The following GREP1 variants were observed in gnomAD, a reference collection of about 807,000 sequenced individuals.
GREP1 encodes glycine-rich extracellular protein 1.
rs909005129 is a variant in GREP1, at chr16:2,992,718, G to C, written c.323-87G>C. 1 of 398,034 alleles carries C rather than the reference G, an allele frequency of 2.5e-6. No homozygotes were observed. Among genetic ancestry groups the C allele is most frequent in the African/African-American group, 2.1e-5 (1 of 48,590 alleles). 24.7% of individuals were successfully genotyped at this position (398,034 alleles called of 1,614,324 possible). A position where few individuals can be genotyped will look rare whatever the true frequency, so the allele number is the denominator to read the frequency against. On this transcript the variant is annotated intron_variant, in intron 8 of 34. Transcript: ENST00000573315. The surrounding 1 kb of genome is among the most constrained non-coding windows in gnomAD (Gnocchi z 4.9). Reference sequence around the variant, plus strand: ...GAAAGGCAGAGGGCAGGGGTCACGCGAGACAGAAAGGGAGAGGGCAGGGCT... The same window carrying C: ...GAAAGGCAGAGGGCAGGGGTCACGCCAGACAGAAAGGGAGAGGGCAGGGCT...
At chr16:2,994,761 A>G in intron 11 of GREP1, 34 bp downstream of exon 12, 2 of 399,116 alleles carry the variant, frequency 5.0e-6, no homozygotes, top group Non-Finnish European at 8.8e-6. Context: ...GGAGGCCCAG[A>G]GCTGGGGCCC....
intron 5 of GREP1, 85 bp downstream of exon 5, chr16:2,990,207 G>A (rs2072391435): frequency 2.3e-5 from 9 of 398,386 alleles, no homozygotes; most frequent in South Asian, 2.7e-4. Flanking sequence ...GGGGGGAGGC[G>A]CAGAGAGCCT....
At chr16:2,995,456 G>A in intron 15 of GREP1, 140 bp downstream of exon 15, 1 of 399,038 alleles carries the variant, frequency 2.5e-6, no homozygotes, top group Non-Finnish European at 4.4e-6. Flanking sequence ...GATGGGGTCT[G>A]GGGTTCTACC....
chr16:2,990,366 G>A, intron 5 of GREP1, 186 bp from the exon 6 acceptor site: 1 of 398,906 alleles, frequency 2.5e-6, no homozygotes, highest in East Asian at 3.6e-5. Flanking sequence ...GGTAGAGATG[G>A]GAGTGGGGGA....
chr16:2,995,410 A>G (rs2072419404), exon 15 of GREP1: 1 of 398,516 alleles, frequency 2.5e-6, no homozygotes, highest in Non-Finnish European at 4.4e-6. Context: ...AGGATTAGGG[A>G]ATGGGAATGG....
intron 21 of GREP1, 63 bp downstream of exon 20, chr16:2,997,148 A>AC: frequency 2.5e-6 from 1 of 398,380 alleles, no homozygotes; most frequent in East Asian, 3.6e-5. Context: ...CCTCATTCAT[A>AC]CCCCACCTCA....
rs756464468 is a variant in GREP1 at position 2,997,838 on chromosome 16, A to G, written c.949+3A>G. 9 of 398,402 alleles carry G rather than the reference A, an allele frequency of 2.3e-5. No individual in the cohort carries two copies. The highest frequency in any genetic ancestry group is 4.0e-5 in the Non-Finnish European group (9 of 226,108). The allele number at this position is 398,402 out of a possible 1,614,324, so 24.7% of individuals were successfully genotyped here. ...GGGCATGAAACCTCAGAAGCCAGGT[A>G]AGCCCTTCCCACTCCTCACTCTCCC... On this transcript the variant is annotated splice_donor_region_variant and intron_variant, in intron 23 of 34. Transcript: ENST00000573315.
At chr16:2,997,206 G>A (rs1214273218) in intron 21 of GREP1, 121 bp downstream of exon 20, 5 of 398,906 alleles carry the variant, frequency 1.3e-5, no homozygotes, top group East Asian at 7.1e-5. Flanking sequence ...CAGTGAGGGG[G>A]TGTCGGGCTG....
At chr16:2,999,344 A>C in intron 27 of GREP1, 2 of 398,644 alleles carry the variant, frequency 5.0e-6, no homozygotes, top group Non-Finnish European at 8.8e-6. Context: ...CAGAGGGACA[A>C]ACTCTCAGCT....
In GREP1 at chr16:2,992,923, C is replaced by A; in HGVS notation, c.353-8C>A. 1 of 399,034 alleles carries A rather than the reference C, an allele frequency of 2.5e-6. No individual in the cohort carries two copies. Among genetic ancestry groups the A allele is most frequent in the Non-Finnish European group, 4.4e-6 (1 of 226,066 alleles). 24.7% of individuals were successfully genotyped at this position (399,034 alleles called of 1,614,324 possible). A position where few individuals can be genotyped will look rare whatever the true frequency, so the allele number is the denominator to read the frequency against. ...AAAGGATCCCTCACCCTCTCATCTT[C>A]CCCCCAGGCTTTGGAGGGGGTGGAA... On this transcript the variant is annotated splice_region_variant and splice_polypyrimidine_tract_variant and intron_variant, in intron 9 of 34. Coordinates refer to ENST00000573315, the Ensembl canonical transcript of GREP1. The surrounding 1 kb of genome is among the most constrained non-coding windows in gnomAD (Gnocchi z 4.9).
chr16:2,995,899 G>T, exon 18 of GREP1: 1 of 397,800 alleles, frequency 2.5e-6, no homozygotes, highest in South Asian at 1.3e-4. Context: ...CCTGGGGCTG[G>T]AACCCAGCCA....
At chr16:3,000,053 C>T (rs539144154) in intron 28 of GREP1, 33 bp from the exon 26 acceptor site, 3 of 398,942 alleles carry the variant, frequency 7.5e-6, no homozygotes, top group Middle Eastern at 6.2e-4. Context: ...CTCGCTGACC[C>T]CCATCTCTGA....
intron 23 of GREP1, among the ~76,000 whole-genome samples, chr16:2,998,144 C>T (rs779011214): frequency 3.3e-5 from 5 of 152,054 alleles, no homozygotes; most frequent in Non-Finnish European, 5.9e-5. Context: ...AGCCGAGTTG[C>T]TCTCTGCCCC....
intron 10 of GREP1, 31 bp from the exon 12 acceptor site, chr16:2,994,667 G>A (rs537298631): frequency 7.5e-5 from 30 of 399,056 alleles, no homozygotes; most frequent in Middle Eastern, 6.3e-4. Flanking sequence ...CCAGGGCTCC[G>A]GAGGGCCTTA....
At chr16:2,990,221 A>C in intron 5 of GREP1, 99 bp downstream of exon 5, 1 of 398,026 alleles carries the variant, frequency 2.5e-6, no homozygotes, top group Middle Eastern at 6.3e-4. Context: ...AGAGCCTCTC[A>C]GGTTTGCTGG....
In GREP1 at chr16:2,990,535, C is replaced by T. The variant is rs2072393309; in HGVS notation, c.233-17C>T. The T allele has an allele frequency of 2.5e-6, 1 of 399,620 alleles. No homozygotes were observed. The allele number at this position is 399,620 out of a possible 1,614,324, so 24.8% of individuals were successfully genotyped here. A position where few individuals can be genotyped will look rare whatever the true frequency, so the allele number is the denominator to read the frequency against. On this transcript the variant is annotated splice_polypyrimidine_tract_variant and intron_variant, in intron 6 of 34. Transcript: ENST00000573315. ...CTGCCTCCCTCCTCCTGACTCCCTCCTGCCTTCTCGCCCCAGGGTTCAGGA... is the reference window on the plus strand; with the variant it reads ...CTGCCTCCCTCCTCCTGACTCCCTCTTGCCTTCTCGCCCCAGGGTTCAGGA...
intron 25 of GREP1, 102 bp downstream of exon 23, chr16:2,998,625 C>G: frequency 5.0e-6 from 2 of 398,250 alleles, no homozygotes; most frequent in Non-Finnish European, 8.8e-6. Context: ...CTGCCAGATC[C>G]CTACATCCCT....
exon 4 of GREP1, chr16:2,990,002 G>T: frequency 2.5e-6 from 1 of 399,420 alleles, no homozygotes; most frequent in Non-Finnish European, 4.4e-6. Flanking sequence ...AGCCACAGAA[G>T]CCAGGTGAGC....
Position 3,001,547 on chromosome 16 carries a change from CTA to C in GREP1, c.1586-12_1586-11del. On this transcript the variant is annotated splice_polypyrimidine_tract_variant and intron_variant, in intron 34 of 34. Transcript: ENST00000573315. ...GGCCCCGCCCCTCCCTAGCCCAGCTCTATGTCTTCCCAGGCCGCTGCCCTCTG... is the reference window on the plus strand; with the variant it reads ...GGCCCCGCCCCTCCCTAGCCCAGCTCTGTCTTCCCAGGCCGCTGCCCTCTG... 1 of 399,174 alleles carries C rather than the reference CTA, an allele frequency of 2.5e-6. No homozygotes were observed. The highest frequency in any genetic ancestry group is 4.4e-6 in the Non-Finnish European group (1 of 226,168). 24.7% of individuals were successfully genotyped at this position (399,174 alleles called of 1,614,324 possible). A position where few individuals can be genotyped will look rare whatever the true frequency, so the allele number is the denominator to read the frequency against.
Sources: gnomAD v4.1 joint callset for allele counts (sites outside exome capture counted in the v4.1 genomes callset) on GRCh38, gnomAD v4.1.1 for gene constraint, Gnocchi (gnomAD v3.1) non-coding constraint, MANE v1.5 for transcripts, NCBI Gene and HGNC (gene_info 2026-07-23, HGNC 2026-07-21) for gene names.